Variants in DISP2 observed in about 807,000 individuals in gnomAD.
DISP2 encodes the protein dispatched RND transporter family member 2, also known as protein dispatched homolog 2.
Under a neutral mutation model 95.5 loss-of-function variants are expected in DISP2, and 59 were observed. That is an observed-to-expected ratio of 0.62 (90% CI 0.50 to 0.77). The LOEUF is 0.77. Ranked by LOEUF, DISP2 falls within the 30% of genes least tolerant of loss-of-function variation. DISP2 has a pLI of 0.00. For synonymous variants in DISP2, 827 were observed against 815.0 expected, an observed-to-expected ratio of 1.01 and a Z score of -0.25; for missense variants, 1,752 against 1,854.6, an observed-to-expected ratio of 0.94 and a Z score of 1.02.
chr15:40,363,991 G>A, intron 2 of DISP2, 37 bp downstream of exon 2: 1 of 1,513,124 alleles, frequency 6.6e-7, no homozygotes, highest in Non-Finnish European at 8.8e-7. Context: ...GCTGCCACTG[G>A]AAAATGCGGT....
intron 7 of DISP2, among the ~76,000 whole-genome samples, chr15:40,365,950 C>T (rs1889491909): frequency 6.6e-6 from 1 of 152,194 alleles, no homozygotes; most frequent in Non-Finnish European, 1.5e-5. Flanking sequence ...GGAAGCGAGC[C>T]CATGCAGGGA....
rs780191826 is a variant in DISP2, at chr15:40,369,206, T to C, written c.3094T>C (p.Phe1032Leu). The C allele has an allele frequency of 2.4e-5, 39 of 1,613,810 alleles. No homozygotes were observed. The highest frequency in any genetic ancestry group is 1.7e-5 in the Admixed American group (1 of 60,012). Residue 1032 changes from phenylalanine to leucine, a missense_variant, in exon 8 of 8, where the codon TTC becomes CTC. By Grantham distance (22) the Phe-to-Leu change is conservative. Coordinates refer to ENST00000267889, the MANE Select transcript of DISP2 (RefSeq NM_033510.3). ...TGCCTCAGTGGGCCTCTCAGTAGAC[T>C]TCACTGTCAACTACTGCATCTCCTA... ...LSASVGLSVD[F>L]TVNYCISYHL... is the part of the protein sequence containing the mutation.
In DISP2 at chr15:40,368,623, C is replaced by G. The variant is rs201602512; in HGVS notation, c.2511C>G (p.Phe837Leu). Residue 837 changes from phenylalanine to leucine, a missense_variant, in exon 8 of 8, where the codon TTC becomes TTG. This residue lies in a region of DISP2 where 317 missense variants were observed against 394.9 expected (regional missense o/e 0.80). Transcript: ENST00000267889. ...TLQEGWPTLC[F>L]VETLQRWMES... is the part of the protein sequence containing the mutation. ...AGGAAGGCTGGCCCACGCTGTGTTT[C>G]GTGGAGACCCTCCAGCGCTGGATGG... is the stretch of plus-strand genomic sequence containing the variant. 140 of 1,608,288 alleles carry G rather than the reference C, an allele frequency of 8.7e-5. No individual in the cohort carries two copies. Among genetic ancestry groups the G allele is most frequent in the African/African-American group, 5.5e-4 (41 of 75,072 alleles).
At position 40,369,974 on chromosome 15, in the gene DISP2, AC is replaced by A; in HGVS notation, c.3865del (p.Leu1289TrpfsTer12). On this transcript the variant is annotated frameshift_variant, in exon 8 of 8. Transcript: ENST00000267889. LOFTEE classifies it high-confidence loss of function. ...PPDGFCSSAS[T>X]LEGLSVSDET... is the part of the protein sequence containing the mutation. The stretch of plus-strand genomic sequence containing the variant: ...TGATGGCTTCTGTTCCTCAGCCAGC[AC>A]CCTGGAGGGGCTCAGCGTCTCTGAT... The A allele has an allele frequency of 6.2e-7, 1 of 1,612,758 alleles. No homozygotes were observed. Among genetic ancestry groups the A allele is most frequent in the Non-Finnish European group, 8.5e-7 (1 of 1,179,448 alleles).
chr15:40,369,758 G>T lies in DISP2; in HGVS notation c.3646G>T (p.Glu1216Ter). The part of the protein sequence containing the change: ...RPPPAPASPR[E>*]LLLDHQAVFS... ...CCCACCAGCCCCTGCCTCCCCAAGGGAGCTGCTGCTGGACCACCAGGCAGT... is the reference window on the plus strand; with the variant it reads ...CCCACCAGCCCCTGCCTCCCCAAGGTAGCTGCTGCTGGACCACCAGGCAGT... The change falls in exon 8 of 8, where the codon GAG (glutamate) becomes TAG (stop). Residue 1216 changes from glutamate (E) to a stop codon, truncating the protein, a stop_gained. Transcript: ENST00000267889. LOFTEE classifies it high-confidence loss of function. The T allele has an allele frequency of 6.2e-7, 1 of 1,606,974 alleles. No homozygotes were observed.
In DISP2 at chr15:40,365,597, C is replaced by T. The variant is rs768673820; in HGVS notation, c.848-31C>T. 8 of 1,612,416 alleles carry T rather than the reference C, an allele frequency of 5.0e-6. No individual in the cohort carries two copies. The Admixed American group carries it at 1.3e-4, about 27-fold the overall frequency. On this transcript the variant is annotated intron_variant, in intron 6 of 7. Coordinates refer to ENST00000267889, the MANE Select transcript of DISP2 (RefSeq NM_033510.3). ...GGACCCAGGACCTGGGGCCAAAGGA[C>T]TGAGCTCCAGGTTGCGGGGGTATGT...
chr15:40,367,879 C>G lies in DISP2; in HGVS notation c.1767C>G (p.Phe589Leu), dbSNP rs372021067. The change falls in exon 8 of 8, where the codon TTC becomes TTG. Residue 589 changes from phenylalanine (F) to leucine (L), a missense_variant. Coordinates refer to ENST00000267889, the MANE Select transcript of DISP2 (RefSeq NM_033510.3). ...GCGTGGGCCGCACCATGCACCACTT[C>G]GGCTACCTGCTGCTGGTCTCCGGCC... ...AQRVGRTMHH[F>L]GYLLLVSGLT... 1 of 1,599,230 alleles carries G rather than the reference C, an allele frequency of 6.3e-7. No homozygotes were observed. Among genetic ancestry groups the G allele is most frequent in the Non-Finnish European group, 8.5e-7 (1 of 1,179,636 alleles).
At chr15:40,366,056 C>G (rs1207254297) in intron 7 of DISP2, among the ~76,000 whole-genome samples, 1 of 152,188 alleles carries the variant, frequency 6.6e-6, no homozygotes, top group African/African-American at 2.4e-5. Flanking sequence ...GGCCTCAGCC[C>G]CCATCAACCT....
Position 40,373,071 on chromosome 15 carries a change from A to T in DISP2, c.*2753A>T, listed in dbSNP as rs549700581. 1 of 152,358 alleles carries T rather than the reference A, an allele frequency of 6.6e-6. No homozygotes were observed. The highest frequency in any genetic ancestry group is 2.4e-5 in the African/African-American group (1 of 41,566). The allele number at this position is 152,358 out of a possible 1,614,324, so 9.4% of individuals were successfully genotyped here. A position where few individuals can be genotyped will look rare whatever the true frequency, so the allele number is the denominator to read the frequency against. On this transcript the variant is annotated 3_prime_UTR_variant, in exon 8 of 8. Transcript: ENST00000267889. ...CAGCAGGCAATCCACATCAGCAGGA[A>T]ATCCAGCCTGCCTCTCTAGCCCTGA...
rs1445998356 is a variant in DISP2, at chr15:40,358,267, C to A, written c.-55C>A. The A allele has an allele frequency of 1.3e-5, 15 of 1,196,942 alleles. No individual in the cohort carries two copies. Among genetic ancestry groups the A allele is most frequent in the South Asian group, 4.0e-5 (1 of 24,806 alleles). 74.1% of individuals were successfully genotyped at this position (1,196,942 alleles called of 1,614,324 possible). A position where few individuals can be genotyped will look rare whatever the true frequency, so the allele number is the denominator to read the frequency against. On this transcript the variant is annotated 5_prime_UTR_variant, in exon 1 of 8. Transcript: ENST00000267889. The stretch of plus-strand genomic sequence containing the variant: ...GCTGCCGCCGCCACCGCCGCCGCCG[C>A]CGCCGCCGCCGCGGCTTCAGCACCA...
rs1889630076 is a variant in DISP2, at chr15:40,370,718, G to T, written c.*400G>T. The T allele has an allele frequency of 6.4e-6, 3 of 469,602 alleles. No individual in the cohort carries two copies. The highest frequency in any genetic ancestry group is 4.6e-5 in the South Asian group (3 of 64,554). The allele number at this position is 469,602 out of a possible 1,614,324, so 29.1% of individuals were successfully genotyped here. A position where few individuals can be genotyped will look rare whatever the true frequency, so the allele number is the denominator to read the frequency against. On this transcript the variant is annotated 3_prime_UTR_variant, in exon 8 of 8. Coordinates refer to ENST00000267889, the MANE Select transcript of DISP2 (RefSeq NM_033510.3). ...ACCCCCATCCTAGGGATCTTGTCAGGGTTCCTTACTGACCAGAGGAGCCCG... is the reference window on the plus strand; with the variant it reads ...ACCCCCATCCTAGGGATCTTGTCAGTGTTCCTTACTGACCAGAGGAGCCCG...
Position 40,369,845 on chromosome 15 carries a change from A to C in DISP2, c.3733A>C (p.Lys1245Gln). 6.4e-7 allele frequency: 1 copy of C among 1,572,856 alleles called. No homozygotes were observed. Among genetic ancestry groups the C allele is most frequent in the Non-Finnish European group, 8.6e-7 (1 of 1,156,916 alleles). The change falls in exon 8 of 8, where the codon AAA becomes CAA. Residue 1245 changes from lysine to glutamine, a missense_variant. By Grantham distance (53) the Lys-to-Gln change is moderately conservative. Around this residue, in one of 5 missense-constraint regions of DISP2, gnomAD observed 347 missense variants for 344.2 expected, o/e 1.01. Coordinates refer to ENST00000267889, the MANE Select transcript of DISP2 (RefSeq NM_033510.3). ...SPYKQAGPSP[K>Q]TRARQDSQGE... ...CTATAAGCAGGCTGGCCCCAGCCCCAAAACCCGGGCCAGGCAGGACTCCCA... is the reference window on the plus strand; with the variant it reads ...CTATAAGCAGGCTGGCCCCAGCCCCCAAACCCGGGCCAGGCAGGACTCCCA...
In DISP2 at chr15:40,367,741, C is replaced by T. The variant is rs1242996984; in HGVS notation, c.1629C>T (p.Val543=). 1.4e-5 allele frequency: 22 copies of T among 1,612,602 alleles called. No individual in the cohort carries two copies. The highest frequency in any genetic ancestry group is 1.8e-5 in the Non-Finnish European group (21 of 1,180,038). The change falls in exon 8 of 8, where the codon GTC becomes GTT. Residue 543 remains valine, a synonymous_variant. Coordinates refer to ENST00000267889, the MANE Select transcript of DISP2 (RefSeq NM_033510.3). Reference sequence around the variant, plus strand: ...TCCGCATGGCCTACTTCCCCTTCGTCAATCTGGCAGCCCTCCTCCTGCTGA... The same window carrying T: ...TCCGCATGGCCTACTTCCCCTTCGTTAATCTGGCAGCCCTCCTCCTGCTGA... ...VAFRMAYFPF[V]NLAALLLLSS...
rs1182818890 is a variant in DISP2, at chr15:40,367,922, T to G, written c.1810T>G (p.Phe604Val). The change falls in exon 8 of 8, where the codon TTC becomes GTC. Residue 604 changes from phenylalanine (F) to valine (V), a missense_variant. Physicochemically the swap from Phe to Val is conservative, Grantham distance 50. Around this residue, in one of 5 missense-constraint regions of DISP2, gnomAD observed 732 missense variants for 714.6 expected, o/e 1.02. Transcript: ENST00000267889. ...CTCCGGCCTCACCACGAGCGCGGCC[T>G]TCTATGCCAGCTACCTGAGCCGCCT... is the stretch of plus-strand genomic sequence containing the variant. ...LVSGLTTSAA[F>V]YASYLSRLPA... The G allele has an allele frequency of 3.1e-6, 5 of 1,595,414 alleles. No individual in the cohort carries two copies. In the East Asian group the frequency reaches 1.1e-4, roughly 36 times the overall value.
chr15:40,365,734 G>C lies in DISP2; in HGVS notation c.945+9G>C. 6.2e-7 allele frequency: 1 copy of C among 1,613,746 alleles called. No individual in the cohort carries two copies. The highest frequency in any genetic ancestry group is 8.5e-7 in the Non-Finnish European group (1 of 1,179,856). Reference sequence around the variant, plus strand: ...GCATGGAACAGGACCAGGTGAGCTGGTGGGGGAGGTGCCAGGGGTTTGGGG... The same window carrying C: ...GCATGGAACAGGACCAGGTGAGCTGCTGGGGGAGGTGCCAGGGGTTTGGGG... On this transcript the variant is annotated intron_variant, in intron 7 of 7. Transcript: ENST00000267889.
intron 7 of DISP2, 51 bp downstream of exon 7, chr15:40,365,776 G>A: frequency 2.5e-6 from 4 of 1,570,980 alleles, no homozygotes; most frequent in Non-Finnish European, 3.5e-6. Context: ...AAGGACATGA[G>A]GGAACTGATC....
intron 1 of DISP2, 54 bp from the exon 2 acceptor site, chr15:40,363,571 G>A (rs1889440386): frequency 1.9e-5 from 25 of 1,303,580 alleles, no homozygotes; most frequent in Non-Finnish European, 2.6e-5. Context: ...CTGGGGCATG[G>A]GGTGGCCCAC....
In DISP2 at chr15:40,365,075, G is replaced by C. The variant is rs1421809940; in HGVS notation, c.720-72G>C. The C allele has an allele frequency of 3.8e-6, 6 of 1,589,956 alleles. No individual in the cohort carries two copies. In the Admixed American group the frequency reaches 5.2e-5, roughly 14 times the overall value. Reference sequence around the variant, plus strand: ...GGGCTTGCCAAGGAAGGCTCCCTGGGGAGTGGTCTCTGGCCTCCTCTGAGT... The same window carrying C: ...GGGCTTGCCAAGGAAGGCTCCCTGGCGAGTGGTCTCTGGCCTCCTCTGAGT... On this transcript the variant is annotated intron_variant, in intron 5 of 7. Transcript: ENST00000267889.
chr15:40,370,459 G>A lies in DISP2; in HGVS notation c.*141G>A. 2 of 1,334,164 alleles carry A rather than the reference G, an allele frequency of 1.5e-6. No homozygotes were observed. The highest frequency in any genetic ancestry group is 5.0e-5 in the East Asian group (2 of 39,618). 82.6% of individuals were successfully genotyped at this position (1,334,164 alleles called of 1,614,324 possible). A position where few individuals can be genotyped will look rare whatever the true frequency, so the allele number is the denominator to read the frequency against. On this transcript the variant is annotated 3_prime_UTR_variant, in exon 8 of 8. Coordinates refer to ENST00000267889, the MANE Select transcript of DISP2 (RefSeq NM_033510.3). ...CCTCCAGCTGTGGATGTTAAACCCT[G>A]CCAGATGTCCCAGCCTTGATCTGTC...
Sources: allele counts gnomAD v4.1 joint callset (sites outside exome capture counted in the v4.1 genomes callset), GRCh38; gene constraint gnomAD v4.1.1; regional missense constraint gnomAD v4.1.1; transcripts MANE v1.5; gene names NCBI Gene and HGNC (gene_info 2026-07-23, HGNC 2026-07-21).